KLHL8: variants seen among roughly 807,000 people sequenced by gnomAD.
KLHL8 encodes the protein kelch-like protein 8.
KLHL8 carries 38 observed loss-of-function variants against 63.5 expected under a neutral mutation model. The observed-to-expected ratio is 0.60, with a 90% confidence interval of 0.46 to 0.78. The LOEUF (loss-of-function observed/expected upper bound fraction) is 0.78. Among genes scored for constraint, KLHL8 ranks in the 30% least tolerant of loss-of-function variants. KLHL8 has a pLI of 0.00. For synonymous variants in KLHL8, 224 were observed against 254.3 expected (o/e 0.88, Z 1.13); for missense variants, 566 against 752.4 (o/e 0.75, Z 2.90).
chr4:87,225,507 G>A (rs1277507755), upstream of KLHL8, among the ~76,000 whole-genome samples: 1 of 152,128 alleles, frequency 6.6e-6, no homozygotes, highest in Non-Finnish European at 1.5e-5. Flanking sequence ...AATATTTTAG[G>A]GTTTGGGGCC....
rs560414586 is a variant in KLHL8, at chr4:87,178,526, T to A, written c.1047A>T (p.Gly349=). The A allele has an allele frequency of 3.7e-6, 6 of 1,612,474 alleles. No homozygotes were observed. In the African/African-American group the frequency reaches 8.0e-5, roughly 22 times the overall value. ...GTCGCCTTCGACTATTCATTTCTGGTCCAAAGAACCAACTGTTTTTGTTGA... is the reference window on the plus strand; with the variant it reads ...GTCGCCTTCGACTATTCATTTCTGGACCAAAGAACCAACTGTTTTTGTTGA... ...YSINKNSWFF[G]PEMNSRRRHV... The change falls in exon 5 of 10, where the codon GGA becomes GGT. Residue 349 remains glycine (G), a synonymous_variant. Transcript: ENST00000273963.
At chr4:87,196,831 A>G (rs558330799) in intron 1 of KLHL8, among the ~76,000 whole-genome samples, 1 of 152,316 alleles carries the variant, frequency 6.6e-6, no homozygotes, top group South Asian at 2.1e-4. Context: ...AGGCTTTACT[A>G]ATCCTCAGTT....
chr4:87,188,295 T>C lies in KLHL8; in HGVS notation c.217-2496A>G, dbSNP rs531306416. On this transcript the variant is annotated intron_variant, in intron 2 of 9. Coordinates refer to ENST00000273963, the MANE Select transcript of KLHL8 (RefSeq NM_020803.5). ...CTGGGATTCAGTTTCTATGCAAATA[T>C]TTGTAAGTCTCACATGACTTAAACC... Among the ~76,000 whole-genome samples the C allele has an allele frequency of 3.3e-5, 5 of 152,324 alleles. No homozygotes were observed. The East Asian group carries it at 9.6e-4, about 29-fold the overall frequency.
At chr4:87,221,759 A>G (rs971138652), upstream of KLHL8, among the ~76,000 whole-genome samples, 16 of 152,118 alleles carry the variant, frequency 1.1e-4, no homozygotes, top group Non-Finnish European at 2.2e-4. Context: ...TTATTTCTAG[A>G]AAAAAAATCA....
chr4:87,169,835 A>G (rs1730568298), intron 8 of KLHL8, among the ~76,000 whole-genome samples: 1 of 151,010 alleles, frequency 6.6e-6, no homozygotes, highest in South Asian at 2.1e-4. Context: ...ACCGCACTTC[A>G]GCCTGGGCAA....
intron 1 of KLHL8, 53 bp downstream of exon 1, chr4:87,220,365 A>AGAGGGGACTGAGGGGAGAC (rs562796463): frequency 2.9e-4 from 44 of 152,624 alleles, no homozygotes; most frequent in Middle Eastern, 3.4e-3. Context: ...GCACAAAGGA[A>AGAGGGGACTGAGGGGAGAC]GAGGGGACTG....
intron 2 of KLHL8, among the ~76,000 whole-genome samples, chr4:87,192,879 G>T (rs1731546829): frequency 6.6e-6 from 1 of 152,056 alleles, no homozygotes; most frequent in African/African-American, 2.4e-5. Context: ...ACATAGGAAA[G>T]GTACAGTAAA....
chr4:87,189,648 AT>A (rs1409174937), intron 2 of KLHL8, among the ~76,000 whole-genome samples: 2 of 151,968 alleles, frequency 1.3e-5, no homozygotes, highest in Non-Finnish European at 2.9e-5. Flanking sequence ...GTGTACTTTC[AT>A]TTCAATAAAT....
upstream of KLHL8, among the ~76,000 whole-genome samples, chr4:87,224,935 T>G (rs1732945455): frequency 6.6e-6 from 1 of 151,984 alleles, no homozygotes; most frequent in African/African-American, 2.4e-5. Context: ...AAGAGATGGA[T>G]GGGGTGGAGT....
chr4:87,185,130 T>C, intron 3 of KLHL8, 121 bp downstream of exon 3: 3 of 984,488 alleles, frequency 3.0e-6, no homozygotes, highest in Non-Finnish European at 4.4e-6. Flanking sequence ...ATTTCTATTA[T>C]TTATTACATC....
intron 1 of KLHL8, among the ~76,000 whole-genome samples, chr4:87,214,371 G>A (rs184551275): frequency 5.9e-5 from 8 of 136,654 alleles, no homozygotes; most frequent in Admixed American, 1.6e-4. Flanking sequence ...AACCTCATAG[G>A]ATTGCTATAA....
At chr4:87,215,776 T>C (rs1732572037) in intron 1 of KLHL8, among the ~76,000 whole-genome samples, 1 of 152,238 alleles carries the variant, frequency 6.6e-6, no homozygotes, top group Non-Finnish European at 1.5e-5. Context: ...TTTTAAATGT[T>C]ATAAATGAAA....
At chr4:87,206,983 G>A (rs187220916) in intron 1 of KLHL8, 17 of 301,124 alleles carry the variant, frequency 5.6e-5, no homozygotes, top group Admixed American at 2.2e-4. Context: ...CTATGGGTTG[G>A]GTTTTTTCCC....
At chr4:87,177,797 A>G (rs1004420920) in intron 5 of KLHL8, among the ~76,000 whole-genome samples, 4 of 152,048 alleles carry the variant, frequency 2.6e-5, no homozygotes, top group African/African-American at 9.7e-5. Context: ...TGTAGAGACA[A>G]GATCTTCCTA....
chr4:87,209,457 T>G (rs1732299681), intron 1 of KLHL8, among the ~76,000 whole-genome samples: 2 of 152,124 alleles, frequency 1.3e-5, no homozygotes, highest in South Asian at 4.1e-4. Flanking sequence ...TAGGAAGTTA[T>G]GAAGAGAAAA....
At chr4:87,178,140 G>C (rs551991993) in intron 5 of KLHL8, among the ~76,000 whole-genome samples, 1 of 151,948 alleles carries the variant, frequency 6.6e-6, no homozygotes, top group African/African-American at 2.4e-5. Context: ...AAAATTAATT[G>C]TACTAATAAT....
rs1284305518 is a variant in KLHL8, at chr4:87,163,108, G to T, written c.*411C>A. On this transcript the variant is annotated 3_prime_UTR_variant, in exon 10 of 10. Transcript: ENST00000273963. ...TATGTATCCTTGTGTTAATGAATAG[G>T]TACTAATCTCTCCTCTAGGAAAAAC... 1 of 159,620 alleles carries T rather than the reference G, an allele frequency of 6.3e-6. No homozygotes were observed. The highest frequency in any genetic ancestry group is 1.4e-5 in the Non-Finnish European group (1 of 73,174). The allele number at this position is 159,620 out of a possible 1,614,324, so 9.9% of individuals were successfully genotyped here. A position where few individuals can be genotyped will look rare whatever the true frequency, so the allele number is the denominator to read the frequency against.
chr4:87,211,765 C>T (rs1052570728), intron 1 of KLHL8, among the ~76,000 whole-genome samples: 13 of 152,040 alleles, frequency 8.6e-5, no homozygotes, highest in Non-Finnish European at 1.8e-4. Context: ...TCAGGGCGTG[C>T]TGAAATTCAA....
rs1730113016 is a variant in KLHL8 at position 87,160,398 on chromosome 4, T to C, written c.*3121A>G. On this transcript the variant is annotated 3_prime_UTR_variant, in exon 10 of 10. Coordinates refer to ENST00000273963, the MANE Select transcript of KLHL8 (RefSeq NM_020803.5). ...ACATTCTTAACTGATACAACATGAA[T>C]TAGATTCTAAAGGCATTCTTTAAGA... 1 of 152,100 alleles carries C rather than the reference T, an allele frequency of 6.6e-6. No individual in the cohort carries two copies. Among genetic ancestry groups the C allele is most frequent in the Non-Finnish European group, 1.5e-5 (1 of 67,986 alleles). The allele number at this position is 152,100 out of a possible 1,614,324, so 9.4% of individuals were successfully genotyped here.
Sources: gnomAD v4.1 joint callset for allele counts (sites outside exome capture counted in the v4.1 genomes callset) on GRCh38, gnomAD v4.1.1 for gene constraint, MANE v1.5 for transcripts, NCBI Gene and HGNC (gene_info 2026-07-23, HGNC 2026-07-21) for gene names.